SLC37A1: variants seen among roughly 807,000 people sequenced by gnomAD.
The protein encoded by SLC37A1 is glucose-6-phosphate exchanger SLC37A1.
Under a neutral mutation model 75.3 loss-of-function variants are expected in SLC37A1, and 49 were observed. That is an observed-to-expected ratio of 0.65 (90% confidence interval 0.52 to 0.83). SLC37A1 has a LOEUF of 0.83. Ranked by LOEUF, SLC37A1 falls within the 40% of genes least tolerant of loss-of-function variation. The pLI is 0.00. For synonymous variants in SLC37A1, 268 were observed against 292.1 expected (o/e 0.92, Z 0.84); for missense variants, 566 against 695.0 (o/e 0.81, Z 2.09).
chr21:42,569,520 GCCGCA>G (rs2056071699), intron 17 of SLC37A1, among the ~76,000 whole-genome samples: 2 of 19,538 alleles, frequency 1.0e-4, no homozygotes, highest in African/African-American at 7.5e-4. Context: ...ACTCCCTCGT[GCCGCA>G]CTCCCTCGTG....
At chr21:42,579,282 C>T (rs549795622) in intron 18 of SLC37A1, among the ~76,000 whole-genome samples, 3 of 152,300 alleles carry the variant, frequency 2.0e-5, no homozygotes, top group Admixed American at 2.0e-4. Context: ...AGGGCTGGCG[C>T]CAGAGGAAGT....
upstream of SLC37A1, among the ~76,000 whole-genome samples, chr21:42,513,222 C>T (rs2054457392): frequency 6.6e-6 from 1 of 151,882 alleles, no homozygotes; most frequent in Admixed American, 6.6e-5. Context: ...TCTGGGGTGA[C>T]GTGGGAGCCT....
At chr21:42,520,081 G>A (rs1407221221) in intron 2 of SLC37A1, among the ~76,000 whole-genome samples, 2 of 152,128 alleles carry the variant, frequency 1.3e-5, no homozygotes, top group Non-Finnish European at 2.9e-5. Context: ...ATACTTCCGT[G>A]TGTATTTCCT....
chr21:42,526,587 T>A (rs993193537), intron 3 of SLC37A1, among the ~76,000 whole-genome samples: 1 of 152,200 alleles, frequency 6.6e-6, no homozygotes, highest in Non-Finnish European at 1.5e-5. Context: ...GGAGCTGTGC[T>A]TCCTCCACTC....
chr21:42,513,162 A>G (rs112646611), upstream of SLC37A1, among the ~76,000 whole-genome samples: 1,410 of 152,136 alleles, frequency 9.3e-3, 16 homozygotes, highest in African/African-American at 0.016. Flanking sequence ...AGTAGCTTCT[A>G]GGGGACTGGC....
At chr21:42,530,367 C>T (rs1000901735) in intron 3 of SLC37A1, among the ~76,000 whole-genome samples, 1 of 152,128 alleles carries the variant, frequency 6.6e-6, no homozygotes, top group Non-Finnish European at 1.5e-5. Flanking sequence ...TGTGACTCAT[C>T]GCAGGAGGCT....
chr21:42,535,977 G>A (rs1451832503), intron 5 of SLC37A1, among the ~76,000 whole-genome samples: 1 of 152,212 alleles, frequency 6.6e-6, no homozygotes, highest in African/African-American at 2.4e-5. Context: ...CCTGATGATC[G>A]AAACAGTTGA....
At chr21:42,512,963 G>T (rs923092058), upstream of SLC37A1, among the ~76,000 whole-genome samples, 1 of 152,234 alleles carries the variant, frequency 6.6e-6, no homozygotes, top group African/African-American at 2.4e-5. Flanking sequence ...GGGTGCGAGG[G>T]GCACTGGCCT....
rs763911885 is a variant in SLC37A1 at position 42,559,029 on chromosome 21, C to G, written c.921C>G (p.Leu307=). 6 of 1,613,684 alleles carry G rather than the reference C, an allele frequency of 3.7e-6. No homozygotes were observed. The highest frequency in any genetic ancestry group is 5.1e-6 in the Non-Finnish European group (6 of 1,179,906). Residue 307 remains leucine (L), a synonymous_variant, in exon 11 of 20, where the codon CTC becomes CTG. Transcript: ENST00000352133. ...GSIHPNHVVI[L]PGDGGSGTAA... ...TCCACCCGAACCACGTCGTCATTCT[C>G]CCCGGGGACGGTGGGAGTGGCACGG...
intron 11 of SLC37A1, among the ~76,000 whole-genome samples, chr21:42,560,033 G>T (rs952451478): frequency 2.6e-5 from 4 of 152,166 alleles, no homozygotes; most frequent in African/African-American, 9.7e-5. Context: ...AAGCTGGACC[G>T]GGCTGGTCCT....
Position 42,548,286 on chromosome 21 carries a change from A to T in SLC37A1, c.768+1146A>T, listed in dbSNP as rs989146986. ...CCTGAGCTCCGCAATCTGAGGTCTC[A>T]CCACCACTCAACCTTCCCACGGAGA... On this transcript the variant is annotated intron_variant, in intron 9 of 19. Transcript: ENST00000352133. This position sits in a 1 kb window ranked among gnomAD's most constrained non-coding sequence, Gnocchi z 5.6. 5.3e-5 allele frequency among the ~76,000 whole-genome samples: 8 copies of T among 152,120 alleles called. No individual in the cohort carries two copies. Among genetic ancestry groups the T allele is most frequent in the Non-Finnish European group, 1.2e-4 (8 of 68,004 alleles).
chr21:42,564,691 C>T lies in SLC37A1; in HGVS notation c.1136-17C>T. The T allele has an allele frequency of 3.1e-6, 5 of 1,608,768 alleles. No homozygotes were observed. Among genetic ancestry groups the T allele is most frequent in the Non-Finnish European group, 4.2e-6 (5 of 1,178,346 alleles). ...GCCCTGGGACGTCAGTGCCTGAAGC[C>T]CGCCTCTCCGTTGCAGGTGGGATCC... On this transcript the variant is annotated splice_polypyrimidine_tract_variant and intron_variant, in intron 13 of 19. Transcript: ENST00000352133.
At chr21:42,531,115 G>A (rs1247964638) in intron 3 of SLC37A1, among the ~76,000 whole-genome samples, 1 of 152,186 alleles carries the variant, frequency 6.6e-6, no homozygotes, top group African/African-American at 2.4e-5. Context: ...GGGAGGGGTG[G>A]GGAGGGCTGG....
intron 3 of SLC37A1, among the ~76,000 whole-genome samples, chr21:42,527,212 TG>T (rs1297070838): frequency 6.6e-6 from 1 of 152,172 alleles, no homozygotes; most frequent in Non-Finnish European, 1.5e-5. Flanking sequence ...AGGCACCACC[TG>T]TTGGGCTGGG....
At chr21:42,518,715 T>C (rs2054573586) in intron 2 of SLC37A1, among the ~76,000 whole-genome samples, 1 of 152,186 alleles carries the variant, frequency 6.6e-6, no homozygotes, top group Admixed American at 6.5e-5. Flanking sequence ...GTACTGGCAT[T>C]GTCAGATAGT....
rs185252237 is a variant in SLC37A1 at position 42,568,044 on chromosome 21, G to A, written c.1345-316G>A. Among the ~76,000 whole-genome samples, 616 of 152,404 alleles carry A rather than the reference G, an allele frequency of 4.0e-3. 2 individuals carry two copies. The highest frequency in any genetic ancestry group is 5.6e-3 in the Non-Finnish European group (379 of 68,042). On this transcript the variant is annotated intron_variant, in intron 16 of 19. Transcript: ENST00000352133. ...AGCTCAGGGCAGGGGCGCGCGTTGC[G>A]CACCTTCACGCCTCTCACGCTGGCT...
Position 42,525,946 on chromosome 21 carries a change from G to A in SLC37A1, c.138+89G>A, listed in dbSNP as rs1181449928. The A allele has an allele frequency of 7.8e-6, 7 of 892,128 alleles. No individual in the cohort carries two copies. The East Asian group carries it at 1.7e-4, about 22-fold the overall frequency. The allele number at this position is 892,128 out of a possible 1,614,324, so 55.3% of individuals were successfully genotyped here. On this transcript the variant is annotated intron_variant, in intron 3 of 19. Transcript: ENST00000352133. ...GGGGCAGAGGATGGGGATGGTAGCAGGTACATGGGGAAACAGATTATGTAG... is the reference window on the plus strand; with the variant it reads ...GGGGCAGAGGATGGGGATGGTAGCAAGTACATGGGGAAACAGATTATGTAG...
At chr21:42,506,579 G>C (rs1265373079) in intron 2 of SLC37A1, among the ~76,000 whole-genome samples, 1 of 152,146 alleles carries the variant, frequency 6.6e-6, no homozygotes, top group Non-Finnish European at 1.5e-5. Flanking sequence ...ATTCACTGAT[G>C]AATAAAACCG....
At chr21:42,572,821 C>T (rs2056218284) in intron 17 of SLC37A1, among the ~76,000 whole-genome samples, 1 of 152,106 alleles carries the variant, frequency 6.6e-6, no homozygotes, top group Admixed American at 6.5e-5. Flanking sequence ...TCCCTCCTGC[C>T]AGCTTGCTTG....
Sources: gnomAD v4.1 joint callset for allele counts (sites outside exome capture counted in the v4.1 genomes callset) on GRCh38, gnomAD v4.1.1 for gene constraint, Gnocchi (gnomAD v3.1) non-coding constraint, MANE v1.5 for transcripts, NCBI Gene and HGNC (gene_info 2026-07-23, HGNC 2026-07-21) for gene names.